The following PARD3 variants were observed in gnomAD, a reference collection of about 807,000 sequenced individuals.
PARD3 encodes partitioning defective 3 homolog.
A neutral mutation model predicts 155.4 loss-of-function variants in PARD3; 75 were observed. The observed-to-expected ratio is 0.48, with a 90% CI of 0.40 to 0.58. The LOEUF (loss-of-function observed/expected upper bound fraction) is 0.58. Ranked by LOEUF, PARD3 falls within the 20% of genes least tolerant of loss-of-function variation. PARD3 has a pLI of 0.00. For synonymous variants in PARD3, 576 were observed against 610.5 expected (o/e 0.94, Z 0.83); for missense variants, 1,642 against 1,721.7 (o/e 0.95, Z 0.82).
chr10:34,505,132 C>A (rs902758788), intron 3 of PARD3, among the ~76,000 whole-genome samples: 2 of 152,222 alleles, frequency 1.3e-5, no homozygotes, highest in Admixed American at 6.5e-5. Flanking sequence ...ATGTAACACA[C>A]GTCTTACTAC....
At position 34,737,132 on chromosome 10, in the gene PARD3, G is replaced by A. The variant is rs116942678; in HGVS notation, c.121-40713C>T. ...AAAGCGGGTGAAGGGGAGAAAGGGG[G>A]ACGGAGAGAAGCAGGGGTCTGCAGT... On this transcript the variant is annotated intron_variant, in intron 1 of 24. Transcript: ENST00000374788. Among the ~76,000 whole-genome samples the A allele has an allele frequency of 6.4e-3, 971 of 152,362 alleles. 8 individuals are homozygous for A. The highest frequency in any genetic ancestry group is 0.017 in the Middle Eastern group (5 of 294).
chr10:34,190,947 G>A (rs551800188), intron 22 of PARD3, among the ~76,000 whole-genome samples: 84 of 152,122 alleles, frequency 5.5e-4, no homozygotes, highest in African/African-American at 1.3e-3. Context: ...TGTGGAATGC[G>A]GGGAGGAGAG....
intron 1 of PARD3, among the ~76,000 whole-genome samples, chr10:34,751,418 C>G (rs562830681): frequency 1.3e-5 from 2 of 152,272 alleles, no homozygotes; most frequent in Admixed American, 6.5e-5. Context: ...GGGAAGGCCT[C>G]TAAGATTTCC....
At position 34,588,177 on chromosome 10, in the gene PARD3, A is replaced by G. The variant is rs201042444; in HGVS notation, c.223-71018T>C. Among the ~76,000 whole-genome samples, 27 of 152,344 alleles carry G rather than the reference A, an allele frequency of 1.8e-4. No individual in the cohort carries two copies. The East Asian group carries it at 4.6e-3, about 26-fold the overall frequency. ...ACAGTTGCTTAAAACAGTAGCCAAC[A>G]AAGTTAGAGTCATGAGATGTTTTGT... On this transcript the variant is annotated intron_variant, in intron 2 of 24. Transcript: ENST00000374788.
At chr10:34,261,144 A>G (rs1438982869) in intron 22 of PARD3, among the ~76,000 whole-genome samples, 1 of 152,030 alleles carries the variant, frequency 6.6e-6, no homozygotes, top group Non-Finnish European at 1.5e-5. Context: ...AGGACAATGC[A>G]CTCCTGGTGG....
chr10:34,495,910 A>G (rs779979698), intron 3 of PARD3, among the ~76,000 whole-genome samples: 1 of 152,030 alleles, frequency 6.6e-6, no homozygotes. Flanking sequence ...TCTGAAACCA[A>G]TAAAGGAAGA....
intron 3 of PARD3, among the ~76,000 whole-genome samples, chr10:34,472,604 G>A (rs924221408): frequency 4.6e-5 from 7 of 152,084 alleles, no homozygotes; most frequent in Non-Finnish European, 1.0e-4. Context: ...TCAGTTGTTA[G>A]GTACCTCTGT....
intron 2 of PARD3, among the ~76,000 whole-genome samples, chr10:34,677,144 T>C (rs1252403239): frequency 6.6e-6 from 1 of 152,308 alleles, no homozygotes. Context: ...ACTTGATTTA[T>C]TTTCAGTATT....
intron 2 of PARD3, among the ~76,000 whole-genome samples, chr10:34,569,535 A>C (rs1389665670): frequency 6.6e-6 from 1 of 152,024 alleles, no homozygotes; most frequent in African/African-American, 2.4e-5. Flanking sequence ...CTCCTGCCTC[A>C]GCCTCCCGAG....
At chr10:34,452,960 T>A (rs2077138035) in intron 4 of PARD3, among the ~76,000 whole-genome samples, 1 of 152,194 alleles carries the variant, frequency 6.6e-6, no homozygotes, top group African/African-American at 2.4e-5. Flanking sequence ...TAGTTCAGGA[T>A]CAACTTGTCT....
chr10:34,461,751 T>C (rs571279829), intron 4 of PARD3, among the ~76,000 whole-genome samples: 1 of 152,140 alleles, frequency 6.6e-6, no homozygotes, highest in East Asian at 1.9e-4. Context: ...GTCAAGACAA[T>C]CAGGTATAAC....
intron 2 of PARD3, among the ~76,000 whole-genome samples, chr10:34,539,252 G>A (rs1166683511): frequency 1.3e-5 from 2 of 152,170 alleles, no homozygotes; most frequent in Admixed American, 1.3e-4. Flanking sequence ...AGCCAGTGAA[G>A]ACTAGCTCAT....
chr10:34,384,219 C>T lies in PARD3; in HGVS notation c.926G>A (p.Gly309Asp), dbSNP rs1475301590. ...LGLLVKRLEK[G>D]GKAEHENLFR... ...AAGATTTTCATGTTCAGCTTTACCA[C>T]CTTTCTCCAATCGTTTTACTAATAA... Residue 309 changes from glycine to aspartate, a missense_variant, in exon 8 of 25, where the codon GGT (glycine) becomes GAT (aspartate). Coordinates refer to ENST00000374788, the MANE Select transcript of PARD3 (RefSeq NM_001184785.2). 2 of 1,613,678 alleles carry T rather than the reference C, an allele frequency of 1.2e-6. No homozygotes were observed. Among genetic ancestry groups the T allele is most frequent in the South Asian group, 1.1e-5 (1 of 91,070 alleles).
In PARD3 at chr10:34,510,371, AAG is replaced by A. The variant is rs560068524; in HGVS notation, c.403+6606_403+6607del. 3.7e-3 allele frequency among the ~76,000 whole-genome samples: 557 copies of A among 152,340 alleles called. 3 individuals are homozygous for A. Among genetic ancestry groups the A allele is most frequent in the African/African-American group, 0.013 (532 of 41,582 alleles). Reference sequence around the variant, plus strand: ...ATGATAGCTGCCCCCTAACTACAGCAAGCTCTGAATAAATAGCCTTCACCTGT... The same window carrying A: ...ATGATAGCTGCCCCCTAACTACAGCACTCTGAATAAATAGCCTTCACCTGT... On this transcript the variant is annotated intron_variant, in intron 3 of 24. Coordinates refer to ENST00000374788, the MANE Select transcript of PARD3 (RefSeq NM_001184785.2).
intron 22 of PARD3, among the ~76,000 whole-genome samples, chr10:34,141,432 C>G (rs893115102): frequency 5.9e-5 from 9 of 152,154 alleles, no homozygotes; most frequent in Non-Finnish European, 2.9e-5. Context: ...AAACATACAG[C>G]TATGCTCTCT....
chr10:34,355,962 C>CA (rs1370694718), intron 14 of PARD3, among the ~76,000 whole-genome samples: 3 of 95,038 alleles, frequency 3.2e-5, no homozygotes, highest in East Asian at 2.8e-4. Context: ...CAAAACCAAA[C>CA]AAAAAAACAG....
At chr10:34,464,216 T>A (rs2077865564) in intron 4 of PARD3, among the ~76,000 whole-genome samples, 1 of 151,704 alleles carries the variant, frequency 6.6e-6, no homozygotes, top group Middle Eastern at 3.2e-3. Context: ...TTGGTGTGAG[T>A]AATGCCTGTG....
At chr10:34,663,598 A>T (rs12254746) in intron 2 of PARD3, among the ~76,000 whole-genome samples, 3,401 of 151,358 alleles carry the variant, frequency 0.022, 112 homozygotes, top group African/African-American at 0.072. Flanking sequence ...AAAAATTTTT[A>T]AAAAAAGTTC....
chr10:34,638,820 A>C (rs2092571810), intron 2 of PARD3, among the ~76,000 whole-genome samples: 1 of 152,214 alleles, frequency 6.6e-6, no homozygotes, highest in Non-Finnish European at 1.5e-5. Context: ...CTGATGTGTA[A>C]ATCAGTTCTA....
Sources: gnomAD v4.1 joint callset for allele counts (sites outside exome capture counted in the v4.1 genomes callset) on GRCh38, gnomAD v4.1.1 for gene constraint, MANE v1.5 for transcripts, NCBI Gene and HGNC (gene_info 2026-07-23, HGNC 2026-07-21) for gene names.